Variants in ABHD6 observed in about 807,000 individuals in gnomAD.
ABHD6 encodes the protein monoacylglycerol lipase ABHD6.
A neutral mutation model predicts 38.8 loss-of-function variants in ABHD6; 33 were observed. That is an observed-to-expected ratio of 0.85 (90% CI 0.64 to 1.14). The LOEUF (loss-of-function observed/expected upper bound fraction) is 1.14. Among genes scored for constraint, ABHD6 ranks in the 50% most tolerant of loss-of-function variants. The pLI, the probability that ABHD6 is intolerant of heterozygous loss-of-function variation, is 0.00. For synonymous variants in ABHD6, 147 were observed against 161.6 expected (o/e 0.91, Z 0.69); for missense variants, 380 against 422.6 (o/e 0.90, Z 0.88).
chr3:58,284,743 G>A (rs1468386740), intron 7 of ABHD6, among the ~76,000 whole-genome samples: 2 of 152,092 alleles, frequency 1.3e-5, no homozygotes, highest in Non-Finnish European at 2.9e-5. Context: ...GAGCCACCAT[G>A]CCCGGCCCAT....
rs1575523117 is a variant in ABHD6 at position 58,267,335 on chromosome 3, G to A, written c.266G>A (p.Ser89Asn). 1.9e-6 allele frequency: 3 copies of A among 1,614,058 alleles called. No individual in the cohort carries two copies. Among genetic ancestry groups the A allele is most frequent in the Non-Finnish European group, 2.5e-6 (3 of 1,179,984 alleles). Residue 89 changes from serine to asparagine, a missense_variant, in exon 4 of 10, where the codon AGT becomes AAT. By Grantham distance (46) the Ser-to-Asn change is conservative (BLOSUM62 1). Transcript: ENST00000478253. This position sits in a 1 kb window ranked among gnomAD's most constrained non-coding sequence, Gnocchi z 4.3. The part of the protein sequence containing the change: ...GFSAHKDMWL[S>N]VVKFLPKNLH... ...TCTGCCCACAAGGATATGTGGCTCA[G>A]TGTGGTCAAGGTGCAATTCTCGATT... is the stretch of plus-strand genomic sequence containing the variant.
intron 2 of ABHD6, among the ~76,000 whole-genome samples, chr3:58,250,269 G>A (rs1392102557): frequency 6.6e-6 from 1 of 152,132 alleles, no homozygotes; most frequent in African/African-American, 2.4e-5. Context: ...CTGAAGGCAG[G>A]GAAGAGTTCA....
intron 9 of ABHD6, among the ~76,000 whole-genome samples, chr3:58,291,856 GGGA>G: frequency 6.6e-6 from 1 of 152,174 alleles, no homozygotes; most frequent in East Asian, 1.9e-4. Context: ...GCACTGAGGT[GGGA>G]GGATCACTTG....
chr3:58,256,615 T>C lies in ABHD6; in HGVS notation c.29T>C (p.Val10Ala), dbSNP rs1203321013. ...GATCTTGATGTGGTTAACATGTTTG[T>C]GATTGCGGGCGGCACGCTGGCCATC... MDLDVVNMF[V>A]IAGGTLAIPI... is the part of the protein sequence containing the mutation. Residue 10 changes from valine to alanine, a missense_variant, in exon 3 of 10, where the codon GTG becomes GCG. Val to Ala is a moderately conservative substitution (Grantham distance 64). Transcript: ENST00000478253. This position sits in a 1 kb window ranked among gnomAD's most constrained non-coding sequence, Gnocchi z 4.3. The C allele has an allele frequency of 6.2e-7, 1 of 1,614,192 alleles. No homozygotes were observed. Among genetic ancestry groups the C allele is most frequent in the Non-Finnish European group, 8.5e-7 (1 of 1,180,040 alleles).
chr3:58,241,853 T>C (rs576035251), intron 1 of ABHD6, among the ~76,000 whole-genome samples: 1 of 152,332 alleles, frequency 6.6e-6, no homozygotes, highest in East Asian at 1.9e-4. Flanking sequence ...TTGAACAGTT[T>C]CCTTGCATCA....
intron 3 of ABHD6, among the ~76,000 whole-genome samples, chr3:58,261,290 A>G (rs1005835170): frequency 1.3e-5 from 2 of 151,696 alleles, no homozygotes; most frequent in African/African-American, 4.9e-5. Flanking sequence ...ACAATTGTGT[A>G]CATAGAAAGT....
Position 58,285,803 on chromosome 3 carries a change from G to T in ABHD6, c.837+350G>T, listed in dbSNP as rs2097456440. On this transcript the variant is annotated intron_variant, in intron 9 of 9. Transcript: ENST00000478253. The surrounding 1 kb of genome is among the most constrained non-coding windows in gnomAD (Gnocchi z 4.9). ...CCCAAATTCCATTCTCCATTACCAT[G>T]AGGCAACTCTTATCTTACTATCTTG... Among the ~76,000 whole-genome samples the T allele has an allele frequency of 6.6e-6, 1 of 152,108 alleles. No homozygotes were observed.
Position 58,238,705 on chromosome 3 carries a change from G to C in ABHD6, c.-91+789G>C, listed in dbSNP as rs2097420791. ...GAGGATGCCAGAGGGTCTAGATACT[G>C]TGCATGCAGAGAATATGTATTTTGA... On this transcript the variant is annotated intron_variant, in intron 1 of 9. Transcript: ENST00000478253. The surrounding 1 kb of genome is among the most constrained non-coding windows in gnomAD (Gnocchi z 6.9). 1 of 152,470 alleles carries C rather than the reference G, an allele frequency of 6.6e-6. No individual in the cohort carries two copies. The highest frequency in any genetic ancestry group is 1.5e-5 in the Non-Finnish European group (1 of 68,224). 9.4% of individuals were successfully genotyped at this position (152,470 alleles called of 1,614,324 possible).
intron 1 of ABHD6, among the ~76,000 whole-genome samples, chr3:58,246,106 G>A (rs532395624): frequency 9.2e-5 from 14 of 152,296 alleles, no homozygotes; most frequent in East Asian, 1.9e-4. Flanking sequence ...AGTGAGAAAC[G>A]TTCAAATCAA....
In ABHD6 at chr3:58,269,428, A is replaced by G. The variant is rs2107453813; in HGVS notation, c.384A>G (p.Ile128Met). ...DLSIDGQVKR[I>M]HQFVECLKLN... is the part of the protein sequence containing the mutation. ...CCATAGATGGGCAAGTTAAGAGGAT[A>G]CACCAGGTAAGCAGGAGGCTCTACC... The change falls in exon 5 of 10, where the codon ATA becomes ATG. Residue 128 changes from isoleucine to methionine, a missense_variant. Coordinates refer to ENST00000478253, the MANE Select transcript of ABHD6 (RefSeq NM_001320126.2). This position sits in a 1 kb window ranked among gnomAD's most constrained non-coding sequence, Gnocchi z 4.4. 2 of 1,612,712 alleles carry G rather than the reference A, an allele frequency of 1.2e-6. No individual in the cohort carries two copies. Among genetic ancestry groups the G allele is most frequent in the Non-Finnish European group, 1.7e-6 (2 of 1,178,940 alleles).
intron 2 of ABHD6, among the ~76,000 whole-genome samples, chr3:58,254,423 G>A (rs1476525635): frequency 6.6e-6 from 1 of 152,186 alleles, no homozygotes; most frequent in Non-Finnish European, 1.5e-5. Context: ...AGCTGTAATA[G>A]AGACTCTGTG....
At chr3:58,253,979 C>T (rs1035553143) in intron 2 of ABHD6, among the ~76,000 whole-genome samples, 4 of 152,150 alleles carry the variant, frequency 2.6e-5, no homozygotes, top group African/African-American at 9.7e-5. Flanking sequence ...CTAGGCAAAA[C>T]CTCTTGAAGA....
At chr3:58,281,591 T>C (rs891818245) in intron 7 of ABHD6, among the ~76,000 whole-genome samples, 6 of 152,222 alleles carry the variant, frequency 3.9e-5, no homozygotes, top group Non-Finnish European at 7.3e-5. Context: ...TCGCCCTCTG[T>C]GGGCTGCACC....
intron 1 of ABHD6, among the ~76,000 whole-genome samples, chr3:58,245,610 C>A (rs1575512273): frequency 6.6e-6 from 1 of 152,090 alleles, no homozygotes; most frequent in East Asian, 1.9e-4. Flanking sequence ...AAAACCCTGT[C>A]TCTACTAAAA....
chr3:58,238,932 A>T lies in ABHD6; in HGVS notation c.-91+1016A>T, dbSNP rs966649309. ...AATAATAGCTGACATAGAATAAGCA[A>T]ATCTTGTGTGCCAGGCCCTGTCCTA... On this transcript the variant is annotated intron_variant, in intron 1 of 9. Coordinates refer to ENST00000478253, the MANE Select transcript of ABHD6 (RefSeq NM_001320126.2). This position sits in a 1 kb window ranked among gnomAD's most constrained non-coding sequence, Gnocchi z 6.9. Among the ~76,000 whole-genome samples the T allele has an allele frequency of 6.6e-6, 1 of 152,138 alleles. No individual in the cohort carries two copies. The highest frequency in any genetic ancestry group is 2.4e-5 in the African/African-American group (1 of 41,436).
chr3:58,242,608 G>A (rs1331675618), intron 1 of ABHD6, among the ~76,000 whole-genome samples: 1 of 152,218 alleles, frequency 6.6e-6, no homozygotes, highest in African/African-American at 2.4e-5. Context: ...CCAAGTGTCT[G>A]CCAAGGGCAA....
Position 58,267,211 on chromosome 3 carries a change from A to G in ABHD6, c.142A>G (p.Met48Val). ...CAGGTACTGGCGGAGGACATTGGGC[A>G]TGCAAGTCCGCTATGTTCACCATGA... ...YYWYWRRTLGMQVRYVHHEDY... is the reference protein window; with the variant it reads ...YYWYWRRTLGVQVRYVHHEDY... The change falls in exon 4 of 10, where the codon ATG becomes GTG. Residue 48 changes from methionine (M) to valine (V), a missense_variant. Physicochemically the swap from Met to Val is conservative, Grantham distance 21. Transcript: ENST00000478253. The surrounding 1 kb of genome is among the most constrained non-coding windows in gnomAD (Gnocchi z 4.3). 1 of 1,614,150 alleles carries G rather than the reference A, an allele frequency of 6.2e-7. No homozygotes were observed. Among genetic ancestry groups the G allele is most frequent in the East Asian group, 2.2e-5 (1 of 44,882 alleles).
intron 2 of ABHD6, among the ~76,000 whole-genome samples, chr3:58,252,457 G>T (rs2097430688): frequency 6.6e-6 from 1 of 151,662 alleles, no homozygotes; most frequent in Non-Finnish European, 1.5e-5. Context: ...CAAGCAATCT[G>T]CCCGTCTCGG....
Position 58,256,463 on chromosome 3 carries a change from C to A in ABHD6, c.-25-99C>A. 4.3e-6 allele frequency: 3 copies of A among 695,760 alleles called. No individual in the cohort carries two copies. Among genetic ancestry groups the A allele is most frequent in the Non-Finnish European group, 7.3e-6 (3 of 412,650 alleles). 43.1% of individuals were successfully genotyped at this position (695,760 alleles called of 1,614,324 possible). A position where few individuals can be genotyped will look rare whatever the true frequency, so the allele number is the denominator to read the frequency against. On this transcript the variant is annotated intron_variant, in intron 2 of 9. Transcript: ENST00000478253. The surrounding 1 kb of genome is among the most constrained non-coding windows in gnomAD (Gnocchi z 4.3). Reference sequence around the variant, plus strand: ...CTTTGGTTTCCTCCTGTTCTTTACCCTCACTCTGGGAACTTCACTTTTCTT... The same window carrying A: ...CTTTGGTTTCCTCCTGTTCTTTACCATCACTCTGGGAACTTCACTTTTCTT...
Sources: gnomAD v4.1 joint callset for allele counts (sites outside exome capture counted in the v4.1 genomes callset) on GRCh38, gnomAD v4.1.1 for gene constraint, Gnocchi (gnomAD v3.1) non-coding constraint, MANE v1.5 for transcripts, NCBI Gene and HGNC (gene_info 2026-07-23, HGNC 2026-07-21) for gene names.